The following ALG1 variants were observed in gnomAD, a reference collection of about 807,000 sequenced individuals.
ALG1 encodes chitobiosyldiphosphodolichol beta-mannosyltransferase.
In ALG1, 58 loss-of-function variants were observed where a neutral mutation model predicts 55.1. The observed-to-expected ratio is 1.05, with a 90% CI of 0.85 to 1.31. ALG1 has a LOEUF of 1.31. Ranked by LOEUF, ALG1 falls within the 50% of genes most tolerant of loss-of-function variation. ALG1 has a pLI of 0.00. For missense variants in ALG1, 761 were observed against 598.6 expected (o/e 1.27, Z -2.83); for synonymous variants, 309 against 247.0 (o/e 1.25, Z -2.35).
In ALG1 at chr16:5,086,653, G is replaced by C. The variant is rs768043876; in HGVS notation, c.*1772G>C. ...GGGTCCTGAACGCATGGCCTCAAGTGATGCTCCTGCCTCAGCCTCTTTTAT... is the reference window on the plus strand; with the variant it reads ...GGGTCCTGAACGCATGGCCTCAAGTCATGCTCCTGCCTCAGCCTCTTTTAT... On this transcript the variant is annotated 3_prime_UTR_variant, in exon 13 of 13. Transcript: ENST00000262374. 1 of 151,864 alleles carries C rather than the reference G, an allele frequency of 6.6e-6. No individual in the cohort carries two copies. The highest frequency in any genetic ancestry group is 1.9e-4 in the East Asian group (1 of 5,150). The allele number at this position is 151,864 out of a possible 1,614,324, so 9.4% of individuals were successfully genotyped here.
At chr16:5,083,152 G>T (rs1302200771) in intron 11 of ALG1, among the ~76,000 whole-genome samples, 1 of 152,116 alleles carries the variant, frequency 6.6e-6, no homozygotes, top group Non-Finnish European at 1.5e-5. Context: ...CAGCGTAGAC[G>T]GGTGTTTGGA....
intron 6 of ALG1, chr16:5,078,464 G>C (rs565561128): frequency 4.7e-6 from 3 of 638,616 alleles, no homozygotes; most frequent in Non-Finnish European, 8.6e-6. Context: ...AGCTGGGGTG[G>C]TGTGGGAGGG....
Position 5,077,918 on chromosome 16 carries a change from T to A in ALG1, c.641T>A (p.Val214Asp). Reference sequence around the variant, plus strand: ...TGATTTCATTGCAGGGCTGTGACCGTCTACGACAAGCCCGCATCTTTCTTT... The same window carrying A: ...TGATTTCATTGCAGGGCTGTGACCGACTACGACAAGCCCGCATCTTTCTTT... ...ADNWHIRAVT[V>D]YDKPASFFKE... Residue 214 changes from valine (V) to aspartate (D), a missense_variant, in exon 6 of 13, where the codon GTC becomes GAC. Transcript: ENST00000262374. 1 of 1,608,256 alleles carries A rather than the reference T, an allele frequency of 6.2e-7. No individual in the cohort carries two copies. The highest frequency in any genetic ancestry group is 8.5e-7 in the Non-Finnish European group (1 of 1,179,838).
At chr16:5,072,521 G>T (rs183986771) in intron 1 of ALG1, among the ~76,000 whole-genome samples, 1 of 152,296 alleles carries the variant, frequency 6.6e-6, no homozygotes, top group East Asian at 1.9e-4. Context: ...TATTCTCCAC[G>T]TTGGTATCTT....
At chr16:5,075,002 C>T (rs1187933374) in intron 3 of ALG1, among the ~76,000 whole-genome samples, 4 of 152,138 alleles carry the variant, frequency 2.6e-5, no homozygotes, top group African/African-American at 9.7e-5. Flanking sequence ...CTCCTGGGCT[C>T]AAGTGATCCT....
Position 5,071,851 on chromosome 16 carries a change from TGGC to T in ALG1, c.6_8del (p.Ala3?). The T allele has an allele frequency of 1.9e-6, 3 of 1,604,270 alleles. No homozygotes were observed. Among genetic ancestry groups the T allele is most frequent in the Non-Finnish European group, 2.5e-6 (3 of 1,179,068 alleles). ...CGTGACTGCTGCGGGCCAGCCAAGA[TGGC>T]GGCCTCATGCTTGGTCCTGCTGGCG... On this transcript the variant is annotated start_lost and inframe_deletion, in exon 1 of 13. Transcript: ENST00000262374.
At position 5,084,966 on chromosome 16, in the gene ALG1, G is replaced by A; in HGVS notation, c.*85G>A. 6.3e-7 allele frequency: 1 copy of A among 1,592,494 alleles called. No individual in the cohort carries two copies. Reference sequence around the variant, plus strand: ...GGAGTCTCAGGGCAAACCCTTTCGAGCAGCACCTCCCAGTGGCCAGAAGCT... The same window carrying A: ...GGAGTCTCAGGGCAAACCCTTTCGAACAGCACCTCCCAGTGGCCAGAAGCT... On this transcript the variant is annotated 3_prime_UTR_variant, in exon 13 of 13. Coordinates refer to ENST00000262374, the MANE Select transcript of ALG1 (RefSeq NM_019109.5).
At chr16:5,074,956 G>A (rs986139147) in intron 3 of ALG1, among the ~76,000 whole-genome samples, 1 of 152,162 alleles carries the variant, frequency 6.6e-6, no homozygotes, top group African/African-American at 2.4e-5. Flanking sequence ...AGGCTGGAGT[G>A]CAGTGGCACA....
intron 10 of ALG1, among the ~76,000 whole-genome samples, chr16:5,082,192 G>A (rs1221522211): frequency 2.0e-5 from 3 of 152,090 alleles, no homozygotes; most frequent in African/African-American, 7.2e-5. Flanking sequence ...TGATCTGCCC[G>A]CCTTGGCCTC....
At position 5,075,529 on chromosome 16, in the gene ALG1, G is replaced by C; in HGVS notation, c.532G>C (p.Ala178Pro). ...CCCCAACCATCCCCTCGTTCTGCTG[G>C]CCAAGTGGTGAGAGTCTAGGAAGAG... ...HGPNHPLVLL[A>P]KWYEKFFGRL... Residue 178 changes from alanine to proline, a missense_variant, in exon 4 of 13, where the codon GCC becomes CCC. Transcript: ENST00000262374. 1 of 1,614,080 alleles carries C rather than the reference G, an allele frequency of 6.2e-7. No individual in the cohort carries two copies.
intron 6 of ALG1, chr16:5,078,306 G>T (rs1467123851): frequency 1.6e-6 from 1 of 638,598 alleles, no homozygotes; most frequent in Non-Finnish European, 2.9e-6. Flanking sequence ...AGAAATGTTT[G>T]TGGACCCCTG....
chr16:5,078,374 G>T (rs1297069689), intron 6 of ALG1: 1 of 591,124 alleles, frequency 1.7e-6, no homozygotes, highest in Non-Finnish European at 3.2e-6. Flanking sequence ...CTGTGGACCT[G>T]TGTGTCCCCT....
At chr16:5,078,401 C>T in intron 6 of ALG1, 1 of 590,860 alleles carries the variant, frequency 1.7e-6, no homozygotes, top group South Asian at 1.5e-5. Context: ...TCTCATGGGG[C>T]TAAGGAGGGG....
rs1457668431 is a variant in ALG1 at position 5,071,949 on chromosome 16, C to G, written c.100C>G (p.His34Asp). 6.3e-7 allele frequency: 1 copy of G among 1,587,720 alleles called. No homozygotes were observed. The highest frequency in any genetic ancestry group is 8.6e-7 in the Non-Finnish European group (1 of 1,167,240). ...CTGGCGCCGGGGGCGGGCGGCCCGG[C>G]ATGTAGTAGCGGTGGTGCTGGGCGA... ...KRWRRGRAAR[H>D]VVAVVLGDVG... The change falls in exon 1 of 13, where the codon CAT (histidine) becomes GAT (aspartate). Residue 34 changes from histidine (H) to aspartate (D), a missense_variant. His to Asp is a moderately conservative substitution (Grantham distance 81, BLOSUM62 -1). Transcript: ENST00000262374.
chr16:5,075,755 A>T (rs1224985077), intron 4 of ALG1, among the ~76,000 whole-genome samples: 1 of 152,174 alleles, frequency 6.6e-6, no homozygotes, highest in Non-Finnish European at 1.5e-5. Context: ...TGTCTGTGGA[A>T]ATGGTTGGTT....
intron 3 of ALG1, among the ~76,000 whole-genome samples, chr16:5,074,034 C>A (rs1474718438): frequency 6.6e-6 from 1 of 152,032 alleles, no homozygotes; most frequent in African/African-American, 2.4e-5. Flanking sequence ...ACTTTTAATC[C>A]CTTCCCTTGA....
chr16:5,080,741 C>T (rs2340711), intron 9 of ALG1, among the ~76,000 whole-genome samples: 10 of 152,214 alleles, frequency 6.6e-5, no homozygotes, highest in African/African-American at 2.4e-4. Flanking sequence ...AAAGGCTATG[C>T]GTCAGGGGTC....
chr16:5,085,789 G>GTATT lies in ALG1; in HGVS notation c.*909_*912dup, dbSNP rs1485054603. On this transcript the variant is annotated 3_prime_UTR_variant, in exon 13 of 13. Coordinates refer to ENST00000262374, the MANE Select transcript of ALG1 (RefSeq NM_019109.5). ...CGGTGTTTGGGGACAGGACATGAGGGTATTGTGTGGGGCTGCTAGGACAGG... is the reference window on the plus strand; with the variant it reads ...CGGTGTTTGGGGACAGGACATGAGGGTATTTATTGTGTGGGGCTGCTAGGACAGG... 14 of 1,322,042 alleles carry GTATT rather than the reference G, an allele frequency of 1.1e-5. No homozygotes were observed. The allele number at this position is 1,322,042 out of a possible 1,614,324, so 81.9% of individuals were successfully genotyped here. A position where few individuals can be genotyped will look rare whatever the true frequency, so the allele number is the denominator to read the frequency against.
intron 4 of ALG1, among the ~76,000 whole-genome samples, chr16:5,076,677 C>A (rs1002542102): frequency 6.6e-6 from 1 of 152,068 alleles, no homozygotes; most frequent in Non-Finnish European, 1.5e-5. Flanking sequence ...AGAATGTGTA[C>A]AATGCTCACT....
Sources: gnomAD v4.1 joint callset for allele counts (sites outside exome capture counted in the v4.1 genomes callset) on GRCh38, gnomAD v4.1.1 for gene constraint, MANE v1.5 for transcripts, NCBI Gene and HGNC (gene_info 2026-07-23, HGNC 2026-07-21) for gene names.